Variants in CTNNA3 observed in about 807,000 individuals in gnomAD.
CTNNA3 encodes the protein catenin alpha-3.
CTNNA3 carries 76 observed loss-of-function variants against 95.7 expected under a neutral mutation model. The observed-to-expected ratio is 0.79, with a 90% CI of 0.66 to 0.96. CTNNA3 has a LOEUF of 0.96. Among genes scored for constraint, CTNNA3 ranks in the 40% least tolerant of loss-of-function variants. CTNNA3 has a pLI of 0.00. For missense variants in CTNNA3, 1,191 were observed against 1,089.8 expected (o/e 1.09, Z -1.31); for synonymous variants, 431 against 374.4 (o/e 1.15, Z -1.74).
At chr10:67,472,290 T>C (rs1847857110) in intron 5 of CTNNA3, among the ~76,000 whole-genome samples, 1 of 152,170 alleles carries the variant, frequency 6.6e-6, no homozygotes, top group Non-Finnish European at 1.5e-5. Flanking sequence ...ACTCTATACA[T>C]AGAATTACAT....
chr10:66,890,521 T>A (rs917021339), intron 7 of CTNNA3, among the ~76,000 whole-genome samples: 33 of 152,134 alleles, frequency 2.2e-4, no homozygotes, highest in African/African-American at 7.5e-4. Flanking sequence ...GGGGTAAGAT[T>A]AAGGCAAAGC....
chr10:67,416,201 A>G (rs1255057136), intron 5 of CTNNA3, among the ~76,000 whole-genome samples: 1 of 152,164 alleles, frequency 6.6e-6, no homozygotes, highest in Non-Finnish European at 1.5e-5. Flanking sequence ...AACAGAGCAA[A>G]GAGACAACCT....
chr10:67,406,018 G>A (rs969613743), intron 5 of CTNNA3, among the ~76,000 whole-genome samples: 1 of 152,098 alleles, frequency 6.6e-6, no homozygotes, highest in African/African-American at 2.4e-5. Context: ...TCAGAACATG[G>A]GGGCAGTTTC....
intron 10 of CTNNA3, among the ~76,000 whole-genome samples, chr10:66,566,317 A>T (rs1321097343): frequency 6.6e-6 from 1 of 152,196 alleles, no homozygotes. Flanking sequence ...TGGCAAAGAG[A>T]GGAATCAGGG....
At chr10:67,466,632 C>T (rs760942758) in intron 5 of CTNNA3, among the ~76,000 whole-genome samples, 3 of 152,024 alleles carry the variant, frequency 2.0e-5, no homozygotes, top group South Asian at 2.1e-4. Context: ...ATATCCAAAG[C>T]GGGACAAAAT....
chr10:67,065,662 T>C (rs1234199379), intron 7 of CTNNA3, among the ~76,000 whole-genome samples: 2 of 152,062 alleles, frequency 1.3e-5, no homozygotes, highest in Admixed American at 1.3e-4. Flanking sequence ...TGGTCCTCCA[T>C]GCCCTTTCCC....
intron 12 of CTNNA3, among the ~76,000 whole-genome samples, chr10:66,361,130 A>AT (rs2092670883): frequency 2.3e-5 from 3 of 128,902 alleles, no homozygotes; most frequent in Admixed American, 8.2e-5. Context: ...CTAAATTTTG[A>AT]ATTTTTTGTT....
At chr10:67,624,593 A>AT (rs1312236012) in intron 2 of CTNNA3, among the ~76,000 whole-genome samples, 1 of 152,054 alleles carries the variant, frequency 6.6e-6, no homozygotes, top group Non-Finnish European at 1.5e-5. Context: ...TTGTCAGTTG[A>AT]TTTTTCAGCA....
intron 15 of CTNNA3, among the ~76,000 whole-genome samples, chr10:66,069,060 G>A (rs1300787907): frequency 6.6e-6 from 1 of 152,156 alleles, no homozygotes; most frequent in East Asian, 1.9e-4. Context: ...GATGCCTGGG[G>A]AAGGGGAAGG....
At chr10:67,052,957 A>G (rs114198208) in intron 7 of CTNNA3, among the ~76,000 whole-genome samples, 2,051 of 152,318 alleles carry the variant, frequency 0.013, 49 homozygotes, top group African/African-American at 0.046. Context: ...CATTTACCTC[A>G]AAGTATGTTC....
At chr10:66,717,390 G>C (rs1206650622) in intron 9 of CTNNA3, among the ~76,000 whole-genome samples, 1 of 151,948 alleles carries the variant, frequency 6.6e-6, no homozygotes, top group African/African-American at 2.4e-5. Flanking sequence ...GACAAACCAC[G>C]GTTTCTAGAA....
intron 15 of CTNNA3, among the ~76,000 whole-genome samples, chr10:66,030,124 T>C (rs1320385105): frequency 6.6e-6 from 1 of 152,028 alleles, no homozygotes; most frequent in Non-Finnish European, 1.5e-5. Flanking sequence ...AGAATCAATA[T>C]CATAAAATGG....
chr10:66,015,104 A>AT (rs2079068737), intron 15 of CTNNA3, among the ~76,000 whole-genome samples: 6 of 148,578 alleles, frequency 4.0e-5, no homozygotes, highest in South Asian at 4.5e-4. Flanking sequence ...TCTGTCTCAA[A>AT]AAATAATAAT....
At chr10:67,430,228 T>A (rs562110955) in intron 5 of CTNNA3, among the ~76,000 whole-genome samples, 15 of 152,122 alleles carry the variant, frequency 9.9e-5, no homozygotes, top group African/African-American at 3.6e-4. Context: ...AATTCACAAT[T>A]ACCCAATTCA....
intron 7 of CTNNA3, among the ~76,000 whole-genome samples, chr10:66,845,731 T>TAAAAAAAAAAAAAAG (rs1304034179): frequency 2.8e-5 from 1 of 35,886 alleles, no homozygotes. Flanking sequence ...AAAAAAAAAC[T>TAAAAAAAAAAAAAAG]AAAAAGGTGA....
At chr10:66,700,174 C>T (rs1847898911) in intron 9 of CTNNA3, among the ~76,000 whole-genome samples, 1 of 152,056 alleles carries the variant, frequency 6.6e-6, no homozygotes, top group Non-Finnish European at 1.5e-5. Flanking sequence ...CTTTCAGTGC[C>T]TGTGCTTTTG....
At chr10:67,264,556 C>G (rs1441872024) in intron 5 of CTNNA3, among the ~76,000 whole-genome samples, 1 of 152,064 alleles carries the variant, frequency 6.6e-6, no homozygotes, top group Non-Finnish European at 1.5e-5. Context: ...AGCACATTTC[C>G]AAAATTCATA....
intron 12 of CTNNA3, among the ~76,000 whole-genome samples, chr10:66,364,509 T>G (rs1256952348): frequency 6.6e-6 from 1 of 152,212 alleles, no homozygotes; most frequent in Non-Finnish European, 1.5e-5. Flanking sequence ...TTTTGGACAT[T>G]TTTTCTTTGG....
intron 9 of CTNNA3, among the ~76,000 whole-genome samples, chr10:66,762,585 G>A (rs982587332): frequency 1.3e-5 from 2 of 151,540 alleles, no homozygotes; most frequent in Admixed American, 6.6e-5. Flanking sequence ...TTAGTATAGC[G>A]GGACACCTCA....
Sources: allele counts gnomAD v4.1 joint callset (sites outside exome capture counted in the v4.1 genomes callset), GRCh38; gene constraint gnomAD v4.1.1; transcripts MANE v1.5; gene names NCBI Gene and HGNC (gene_info 2026-07-23, HGNC 2026-07-21).